CNTN4: variants seen among roughly 807,000 people sequenced by gnomAD.
CNTN4 encodes the protein contactin 4.
CNTN4 carries 77 observed loss-of-function variants against 122.5 expected under a neutral mutation model. The observed-to-expected ratio is 0.63, with a 90% confidence interval of 0.52 to 0.76. The LOEUF (loss-of-function observed/expected upper bound fraction) is 0.76. Among genes scored for constraint, CNTN4 ranks in the 30% least tolerant of loss-of-function variants. CNTN4 has a pLI of 0.00. For missense variants in CNTN4, 1,256 were observed against 1,259.1 expected (o/e 1.00, Z 0.04); for synonymous variants, 512 against 447.0 (o/e 1.15, Z -1.83).
At chr3:2,203,211 C>T (rs1235359037) in intron 2 of CNTN4, among the ~76,000 whole-genome samples, 1 of 152,112 alleles carries the variant, frequency 6.6e-6, no homozygotes, top group Non-Finnish European at 1.5e-5. Context: ...CAGTATTTAA[C>T]ATTTTCAGGT....
At chr3:2,331,882 C>T (rs1298781315) in intron 2 of CNTN4, among the ~76,000 whole-genome samples, 3 of 152,164 alleles carry the variant, frequency 2.0e-5, no homozygotes, top group Non-Finnish European at 4.4e-5. Context: ...TGCCCAGTCC[C>T]CTGCCGCTGG....
At chr3:2,803,215 A>G (rs898063642) in intron 6 of CNTN4, among the ~76,000 whole-genome samples, 4 of 152,250 alleles carry the variant, frequency 2.6e-5, no homozygotes, top group African/African-American at 9.6e-5. Context: ...TCAAAGAGAT[A>G]CAAATTAGAA....
At chr3:3,027,840 C>T (rs1269882373) in intron 15 of CNTN4, among the ~76,000 whole-genome samples, 2 of 152,158 alleles carry the variant, frequency 1.3e-5, no homozygotes, top group Non-Finnish European at 2.9e-5. Flanking sequence ...AACAGGGACA[C>T]CTAATGAAGT....
intron 2 of CNTN4, among the ~76,000 whole-genome samples, chr3:2,263,784 C>G (rs1202957992): frequency 2.8e-5 from 4 of 144,728 alleles, no homozygotes; most frequent in African/African-American, 9.9e-5. Flanking sequence ...ATCTGCCTCT[C>G]CCTTCCTTTC....
chr3:2,236,683 C>T (rs965987671), intron 2 of CNTN4, among the ~76,000 whole-genome samples: 2 of 152,224 alleles, frequency 1.3e-5, no homozygotes, highest in African/African-American at 4.8e-5. Flanking sequence ...ATTAAAAAAG[C>T]ATGTCCTCAA....
intron 3 of CNTN4, among the ~76,000 whole-genome samples, chr3:2,431,974 A>G (rs2048090137): frequency 6.6e-6 from 1 of 152,220 alleles, no homozygotes; most frequent in Admixed American, 6.5e-5. Context: ...AGATTATCTC[A>G]TCTATCTTAT....
intron 4 of CNTN4, among the ~76,000 whole-genome samples, chr3:2,682,362 T>C (rs1326259078): frequency 6.6e-6 from 1 of 152,154 alleles, no homozygotes; most frequent in Non-Finnish European, 1.5e-5. Flanking sequence ...TAGGTTACAA[T>C]TGTTCTTAAC....
chr3:2,528,387 A>T (rs2077478307), intron 3 of CNTN4, among the ~76,000 whole-genome samples: 1 of 152,160 alleles, frequency 6.6e-6, no homozygotes, highest in Admixed American at 6.5e-5. Flanking sequence ...TGCTACACTG[A>T]TGATCAGTCA....
intron 2 of CNTN4, among the ~76,000 whole-genome samples, chr3:2,314,448 G>C (rs1023897986): frequency 3.9e-5 from 6 of 151,934 alleles, no homozygotes; most frequent in African/African-American, 1.4e-4. Context: ...GTGAATTTCT[G>C]TTGAGGTTGG....
intron 12 of CNTN4, among the ~76,000 whole-genome samples, 199 bp from the exon 13 acceptor site, chr3:2,925,430 G>C (rs1402227766): frequency 1.3e-5 from 2 of 152,106 alleles, no homozygotes; most frequent in Non-Finnish European, 2.9e-5. Flanking sequence ...ATGCGTGCCT[G>C]TAGTCCCAGC....
At chr3:2,351,900 C>T (rs576729199) in intron 3 of CNTN4, among the ~76,000 whole-genome samples, 13 of 151,992 alleles carry the variant, frequency 8.6e-5, no homozygotes, top group Non-Finnish European at 1.8e-4. Context: ...TTGAGATCTA[C>T]TGCATAGCAA....
intron 3 of CNTN4, among the ~76,000 whole-genome samples, chr3:2,510,497 C>A (rs1043893628): frequency 6.6e-6 from 1 of 152,040 alleles, no homozygotes; most frequent in African/African-American, 2.4e-5. Context: ...GGCTGCTTTG[C>A]GTGTGGTGGA....
intron 2 of CNTN4, among the ~76,000 whole-genome samples, chr3:2,336,250 A>G (rs1336640732): frequency 6.6e-6 from 1 of 152,068 alleles, no homozygotes; most frequent in African/African-American, 2.4e-5. Flanking sequence ...AGAGTAGAGT[A>G]GTAATTTTAT....
intron 17 of CNTN4, among the ~76,000 whole-genome samples, chr3:3,036,142 TACAA>T (rs1040951343): frequency 1.1e-4 from 16 of 152,216 alleles, no homozygotes; most frequent in Non-Finnish European, 1.6e-4. Flanking sequence ...AAGTAGTTAT[TACAA>T]ACAAAGATAC....
intron 2 of CNTN4, among the ~76,000 whole-genome samples, chr3:2,303,048 A>G (rs1162971360): frequency 6.6e-6 from 1 of 152,324 alleles, no homozygotes; most frequent in Admixed American, 6.5e-5. Context: ...TATAATGATG[A>G]TATAGTCTTC....
chr3:2,583,602 G>A (rs888143889), intron 4 of CNTN4, among the ~76,000 whole-genome samples: 5 of 152,306 alleles, frequency 3.3e-5, no homozygotes, highest in South Asian at 2.1e-4. Flanking sequence ...GAATGCCCAT[G>A]CAGTTTTTGA....
intron 2 of CNTN4, among the ~76,000 whole-genome samples, chr3:2,102,923 T>G (rs1015992502): frequency 7.0e-6 from 1 of 142,012 alleles, no homozygotes; most frequent in Non-Finnish European, 1.5e-5. Flanking sequence ...AACCCTTGCT[T>G]TTTTTTTTTT....
intron 2 of CNTN4, among the ~76,000 whole-genome samples, chr3:2,111,874 G>A (rs1472075257): frequency 2.0e-5 from 3 of 152,086 alleles, no homozygotes; most frequent in Non-Finnish European, 4.4e-5. Context: ...TATGATGCTT[G>A]TGTTGTAGAT....
chr3:2,845,217 T>G (rs188896811), intron 7 of CNTN4, among the ~76,000 whole-genome samples: 145 of 152,264 alleles, frequency 9.5e-4, no homozygotes, highest in Non-Finnish European at 1.6e-3. Context: ...ATTCATACTC[T>G]AGTATAATTC....
Sources: gnomAD v4.1 joint callset for allele counts (sites outside exome capture counted in the v4.1 genomes callset) on GRCh38, gnomAD v4.1.1 for gene constraint, MANE v1.5 for transcripts, NCBI Gene and HGNC (gene_info 2026-07-23, HGNC 2026-07-21) for gene names.